The following COG2 variants were observed in gnomAD, a reference collection of about 807,000 sequenced individuals.
The protein encoded by COG2 is component of oligomeric golgi complex 2.
COG2 carries 52 observed loss-of-function variants against 90.6 expected under a neutral mutation model. The ratio of observed to expected loss-of-function variants is 0.57; its 90% CI spans 0.46 to 0.72. COG2 has a LOEUF of 0.72. Ranked by LOEUF, COG2 falls within the 30% of genes least tolerant of loss-of-function variation. The pLI is 0.00. For synonymous variants in COG2, 337 were observed against 320.4 expected (o/e 1.05, Z -0.55); for missense variants, 829 against 891.2 (o/e 0.93, Z 0.89).
chr1:230,663,942 T>TC (rs1662251534), intron 4 of COG2, among the ~76,000 whole-genome samples: 1 of 151,986 alleles, frequency 6.6e-6, no homozygotes, highest in Non-Finnish European at 1.5e-5. Context: ...ATCTCAGTAG[T>TC]TTAAGAGGCT....
chr1:230,674,069 G>A (rs766090404), intron 8 of COG2, among the ~76,000 whole-genome samples: 18 of 152,160 alleles, frequency 1.2e-4, no homozygotes, highest in Non-Finnish European at 1.8e-4. Context: ...AACAAAGTGG[G>A]CAGATTAGTG....
rs368773828 is a variant in COG2 at position 230,642,572 on chromosome 1, T to G, written c.-35T>G. On this transcript the variant is annotated 5_prime_UTR_variant, in exon 1 of 18. Transcript: ENST00000366669. ...TGCGCAGCCTCCTGCGTTTTCTCGC[T>G]TGGATCTTGGCACTGAGAGGCGGTG... The G allele has an allele frequency of 6.2e-7, 1 of 1,600,392 alleles. No individual in the cohort carries two copies. The highest frequency in any genetic ancestry group is 1.7e-5 in the Admixed American group (1 of 58,314).
chr1:230,672,968 G>A (rs1019781246), intron 8 of COG2, among the ~76,000 whole-genome samples: 1 of 152,146 alleles, frequency 6.6e-6, no homozygotes, highest in Non-Finnish European at 1.5e-5. Flanking sequence ...CAGAAATATG[G>A]GGTAATTAAT....
chr1:230,671,475 C>T lies in COG2; in HGVS notation c.775-41C>T, dbSNP rs538302916. 81 of 1,568,122 alleles carry T rather than the reference C, an allele frequency of 5.2e-5. No homozygotes were observed. In the African/African-American group the frequency reaches 9.8e-4, roughly 19 times the overall value. On this transcript the variant is annotated intron_variant, in intron 7 of 17. Transcript: ENST00000366669. ...TCTGAAATAGATCGTTTGTACTTCC[C>T]TTTTAAATGCTTTTTTAAAAAATGA...
intron 9 of COG2, chr1:230,677,916 G>A (rs1662639356): frequency 1.9e-5 from 10 of 529,006 alleles, no homozygotes; most frequent in South Asian, 8.2e-5. Flanking sequence ...TGTCCCAAAA[G>A]GGAAGAATAA....
At chr1:230,678,552 C>T in intron 9 of COG2, 2 of 1,170,436 alleles carry the variant, frequency 1.7e-6, no homozygotes, top group African/African-American at 1.6e-5. Context: ...CCTTCTTTCT[C>T]CTTTGTGAGG....
At position 230,644,746 on chromosome 1, in the gene COG2, T is replaced by C. The variant is rs185372851; in HGVS notation, c.72+2068T>C. On this transcript the variant is annotated intron_variant, in intron 1 of 17. Coordinates refer to ENST00000366669, the MANE Select transcript of COG2 (RefSeq NM_007357.3). ...GCAGGTTTCAATGGGCCTTGTATACTGTACTGACGGATTTGCACTTGATTT... is the reference window on the plus strand; with the variant it reads ...GCAGGTTTCAATGGGCCTTGTATACCGTACTGACGGATTTGCACTTGATTT... Among the ~76,000 whole-genome samples the C allele has an allele frequency of 9.8e-5, 15 of 152,350 alleles. No homozygotes were observed. The East Asian group carries it at 2.9e-3, about 29-fold the overall frequency.
intron 1 of COG2, among the ~76,000 whole-genome samples, chr1:230,645,657 A>G (rs1051389432): frequency 6.6e-6 from 1 of 152,176 alleles, no homozygotes; most frequent in African/African-American, 2.4e-5. Context: ...TATTTCTATA[A>G]TTATTACATT....
Position 230,685,136 on chromosome 1 carries a change from G to C in COG2, c.1280G>C (p.Arg427Thr). 1.9e-6 allele frequency: 3 copies of C among 1,614,202 alleles called. No individual in the cohort carries two copies. Among genetic ancestry groups the C allele is most frequent in the Non-Finnish European group, 2.5e-6 (3 of 1,180,034 alleles). ...TCTCATAGAACTTGGAGCAGCCTTA[G>C]GAGGTGTTGGTCAGATGAGATGTTC... ...LASHRTWSSLRRCWSDEMFLP... is the reference protein window; with the variant it reads ...LASHRTWSSLTRCWSDEMFLP... Residue 427 changes from arginine to threonine, a missense_variant, in exon 12 of 18, where the codon AGG (arginine) becomes ACG (threonine). Transcript: ENST00000366669.
intron 2 of COG2, 144 bp from the exon 3 acceptor site, chr1:230,660,613 AT>A: frequency 2.1e-6 from 1 of 467,038 alleles, no homozygotes; most frequent in Non-Finnish European, 3.9e-6. Context: ...AACATTTGTT[AT>A]TTAGTTACTT....
chr1:230,659,697 G>A (rs1662141437), intron 2 of COG2, 72 bp downstream of exon 2: 1 of 1,485,080 alleles, frequency 6.7e-7, no homozygotes, highest in Non-Finnish European at 9.1e-7. Flanking sequence ...TCTTAGAAGT[G>A]TTGTGTGTTT....
At chr1:230,682,797 A>C (rs1662782945) in intron 10 of COG2, 1 of 152,242 alleles carries the variant, frequency 6.6e-6, no homozygotes, top group Non-Finnish European at 1.5e-5. Context: ...TAGTAAAGAG[A>C]TATATGAAAT....
At chr1:230,683,940 C>T (rs1320850271) in intron 11 of COG2, among the ~76,000 whole-genome samples, 1 of 151,872 alleles carries the variant, frequency 6.6e-6, no homozygotes, top group Non-Finnish European at 1.5e-5. Flanking sequence ...TACAGGTGTA[C>T]ACCACCACGC....
intron 15 of COG2, among the ~76,000 whole-genome samples, chr1:230,689,807 CCTT>C (rs1662978144): frequency 6.6e-6 from 1 of 152,226 alleles, no homozygotes; most frequent in Non-Finnish European, 1.5e-5. Flanking sequence ...CCAGACATCA[CCTT>C]CTTGTGCTGG....
intron 10 of COG2, chr1:230,680,834 A>G (rs967143862): frequency 6.6e-6 from 1 of 152,318 alleles, no homozygotes. Context: ...GCTCTGAAGG[A>G]TGACAAAAAG....
intron 1 of COG2, among the ~76,000 whole-genome samples, chr1:230,646,134 T>C (rs974743294): frequency 1.3e-4 from 20 of 152,214 alleles, no homozygotes; most frequent in Admixed American, 3.3e-4. Flanking sequence ...TTTCTTCTAC[T>C]GGACCCTCCA....
At chr1:230,654,246 A>AG (rs1225704765) in intron 1 of COG2, among the ~76,000 whole-genome samples, 1 of 152,146 alleles carries the variant, frequency 6.6e-6, no homozygotes, top group Non-Finnish European at 1.5e-5. Context: ...TTATGGTTTT[A>AG]GGTCTTACGT....
chr1:230,666,811 G>C (rs1662332681), intron 5 of COG2, among the ~76,000 whole-genome samples: 1 of 152,064 alleles, frequency 6.6e-6, no homozygotes, highest in Admixed American at 6.6e-5. Flanking sequence ...TAAAAATACT[G>C]TGCTAAGTGG....
At chr1:230,649,436 G>T (rs1341241289) in intron 1 of COG2, among the ~76,000 whole-genome samples, 1 of 152,170 alleles carries the variant, frequency 6.6e-6, no homozygotes, top group Non-Finnish European at 1.5e-5. Flanking sequence ...CATGGCTGTT[G>T]CCTTCATGAC....
Sources: gnomAD v4.1 joint callset for allele counts (sites outside exome capture counted in the v4.1 genomes callset) on GRCh38, gnomAD v4.1.1 for gene constraint, MANE v1.5 for transcripts, NCBI Gene and HGNC (gene_info 2026-07-23, HGNC 2026-07-21) for gene names.